The following CFH variants were observed in gnomAD, a reference collection of about 807,000 sequenced individuals.
CFH encodes the protein complement factor H.
A neutral mutation model predicts 147.3 loss-of-function variants in CFH; 53 were observed. The ratio of observed to expected loss-of-function variants is 0.36; its 90% confidence interval spans 0.29 to 0.45. CFH has a LOEUF of 0.45. Ranked by LOEUF, CFH falls within the 20% of genes least tolerant of loss-of-function variation. The probability of loss-of-function intolerance (pLI) is 1.00; values close to 1 mark genes in which losing one functional copy is unlikely to be tolerated. For missense variants in CFH, 1,380 were observed against 1,498.0 expected (o/e 0.92, Z 1.30); for synonymous variants, 536 against 489.4 (o/e 1.10, Z -1.26).
rs533026895 is a variant in CFH, at chr1:196,663,618, G to A, written c.59-9360G>A. 5.9e-4 allele frequency among the ~76,000 whole-genome samples: 90 copies of A among 152,124 alleles called. 2 individuals carry two copies. In the South Asian group the frequency reaches 0.016, roughly 28 times the overall value. On this transcript the variant is annotated intron_variant, in intron 1 of 21. Transcript: ENST00000367429. ...CTCCCGTATAATGTCTTTGACATTT[G>A]TAATAATAATTTGGTGCTTAAGAAA...
chr1:196,672,927 G>A, intron 1 of CFH, 51 bp from the exon 2 acceptor site: 1 of 1,479,284 alleles, frequency 6.8e-7, no homozygotes, highest in Non-Finnish European at 9.4e-7. Context: ...TAAATATACT[G>A]TACATTTAAA....
intron 15 of CFH, among the ~76,000 whole-genome samples, chr1:196,733,272 T>C (rs1669322267): frequency 6.6e-6 from 1 of 152,102 alleles, no homozygotes. Context: ...TGGAAGTATG[T>C]GCCCTAAGCC....
At chr1:196,677,923 C>G in intron 5 of CFH, 1 of 442,220 alleles carries the variant, frequency 2.3e-6, no homozygotes, top group South Asian at 2.1e-5. Context: ...AAATCACATG[C>G]CCTGGATTAT....
chr1:196,743,312 A>G, intron 19 of CFH, 140 bp from the exon 20 acceptor site: 1 of 1,325,118 alleles, frequency 7.5e-7, no homozygotes, highest in Non-Finnish European at 1.1e-6. Context: ...TTACATTTAA[A>G]TTTATTAAAA....
chr1:196,666,367 A>G (rs1477187690), intron 1 of CFH, among the ~76,000 whole-genome samples: 3 of 152,126 alleles, frequency 2.0e-5, no homozygotes, highest in Non-Finnish European at 4.4e-5. Context: ...CATTCGAGTT[A>G]TATTTTTTTC....
At chr1:196,662,063 T>A (rs562054006) in intron 1 of CFH, among the ~76,000 whole-genome samples, 1 of 152,328 alleles carries the variant, frequency 6.6e-6, no homozygotes, top group African/African-American at 2.4e-5. Context: ...CAGAGGAGCC[T>A]CAGCCCTATG....
Position 196,713,814 on chromosome 1 carries a change from A to G in CFH, c.1416A>G (p.Lys472=), listed in dbSNP as rs774752792. Residue 472 remains lysine (K), a synonymous_variant, in exon 10 of 22, where the codon AAA becomes AAG. Transcript: ENST00000367429. The stretch of plus-strand genomic sequence containing the variant: ...AGTATACATATGCCTTAAAAGAAAA[A>G]GCGAAATATCAATGCAAACTAGGAT... ...ESQYTYALKE[K]AKYQCKLGYV... 3 of 1,611,812 alleles carry G rather than the reference A, an allele frequency of 1.9e-6. No homozygotes were observed. Among genetic ancestry groups the G allele is most frequent in the Non-Finnish European group, 2.5e-6 (3 of 1,178,348 alleles).
intron 1 of CFH, among the ~76,000 whole-genome samples, chr1:196,666,515 G>A (rs187782971): frequency 4.0e-4 from 60 of 151,774 alleles, no homozygotes; most frequent in Middle Eastern, 6.8e-3. Flanking sequence ...TGCCAAGTGC[G>A]GTGGCTCACG....
Position 196,692,744 on chromosome 1 carries a change from CTTTTTCTT to C in CFH, c.1336+2507_1336+2514del, listed in dbSNP as rs1224186653. Among the ~76,000 whole-genome samples, 41 of 131,544 alleles carry C rather than the reference CTTTTTCTT, an allele frequency of 3.1e-4. 5 individuals are homozygous for C. Among genetic ancestry groups the C allele is most frequent in the African/African-American group, 5.7e-4 (20 of 35,174 alleles). The allele number at this position is 131,544 out of a possible 152,430, so 86.3% of individuals were successfully genotyped here. A position where few individuals can be genotyped will look rare whatever the true frequency, so the allele number is the denominator to read the frequency against. ...TCTTTCTTTCTCTTTCCCTTCCTTT[CTTTTTCTT>C]TCTTTCTTTCTTTCTTTCTTTCTTT... On this transcript the variant is annotated intron_variant, in intron 9 of 21. Transcript: ENST00000367429.
chr1:196,725,408 C>G (rs1669112670), intron 12 of CFH, 111 bp downstream of exon 12: 1 of 1,023,430 alleles, frequency 9.8e-7, no homozygotes, highest in African/African-American at 1.6e-5. Flanking sequence ...TGAATTAAGT[C>G]AAATATTTGC....
intron 1 of CFH, among the ~76,000 whole-genome samples, chr1:196,670,701 G>A (rs951755064): frequency 6.6e-6 from 1 of 152,070 alleles, no homozygotes; most frequent in African/African-American, 2.4e-5. Context: ...CTTCATAGCT[G>A]TGCAAAAATG....
chr1:196,707,623 A>C (rs1005385203), intron 9 of CFH, among the ~76,000 whole-genome samples: 49 of 152,168 alleles, frequency 3.2e-4, no homozygotes, highest in African/African-American at 1.1e-3. Context: ...CAGCCATATA[A>C]AACCCGCCCC....
rs422682 is a variant in CFH, at chr1:196,738,555, T to C, written c.2782+895T>C. ...TGCTTGATGGAAGTCTGAAATTTAATAGGGCAGTCATTAAACCTTAAATTT... is the reference window on the plus strand; with the variant it reads ...TGCTTGATGGAAGTCTGAAATTTAACAGGGCAGTCATTAAACCTTAAATTT... On this transcript the variant is annotated intron_variant, in intron 17 of 21. Transcript: ENST00000367429. Among the ~76,000 whole-genome samples, 987 of 152,284 alleles carry C rather than the reference T, an allele frequency of 6.5e-3. 9 individuals are homozygous for C. Among genetic ancestry groups the C allele is most frequent in the African/African-American group, 0.022 (918 of 41,576 alleles).
At chr1:196,653,506 A>G (rs1666575031) in intron 1 of CFH, among the ~76,000 whole-genome samples, 1 of 151,916 alleles carries the variant, frequency 6.6e-6, no homozygotes, top group Non-Finnish European at 1.5e-5. Flanking sequence ...TTTCATACCT[A>G]CATACTGTTT....
intron 6 of CFH, 146 bp downstream of exon 6, chr1:196,679,939 T>C: frequency 1.3e-6 from 1 of 784,306 alleles, no homozygotes; most frequent in African/African-American, 1.8e-5. Context: ...ATTTTCTGTG[T>C]TCAAGGTTCA....
chr1:196,700,394 C>T (rs1668414385), intron 9 of CFH, among the ~76,000 whole-genome samples: 1 of 152,118 alleles, frequency 6.6e-6, no homozygotes, highest in African/African-American at 2.4e-5. Context: ...TGGCTCACAC[C>T]TGTAATCCCA....
intron 17 of CFH, among the ~76,000 whole-genome samples, chr1:196,740,270 C>T (rs1483945666): frequency 6.6e-6 from 1 of 152,150 alleles, no homozygotes; most frequent in Non-Finnish European, 1.5e-5. Context: ...TCCCACAATG[C>T]CCCTTCTTAT....
At chr1:196,688,834 G>T (rs1226597380) in intron 7 of CFH, among the ~76,000 whole-genome samples, 1 of 151,972 alleles carries the variant, frequency 6.6e-6, no homozygotes, top group Non-Finnish European at 1.5e-5. Context: ...AGCTGGTCTC[G>T]AACTCCTTAC....
chr1:196,721,144 G>A (rs187196664), intron 11 of CFH, among the ~76,000 whole-genome samples: 4 of 146,682 alleles, frequency 2.7e-5, no homozygotes, highest in African/African-American at 9.7e-5. Flanking sequence ...CTTTTTCATG[G>A]GATTATTATT....
Sources: gnomAD v4.1 joint callset for allele counts (sites outside exome capture counted in the v4.1 genomes callset) on GRCh38, gnomAD v4.1.1 for gene constraint, MANE v1.5 for transcripts, NCBI Gene and HGNC (gene_info 2026-07-23, HGNC 2026-07-21) for gene names.